The following TNIK variants were observed in gnomAD, a reference collection of about 807,000 sequenced individuals.
TNIK encodes the protein TRAF2 and NCK interacting kinase.
A neutral mutation model predicts 191.3 loss-of-function variants in TNIK; 49 were observed. That is an observed-to-expected ratio of 0.26 (90% CI 0.20 to 0.32). The LOEUF is 0.32. Ranked by LOEUF, TNIK falls within the 10% of genes least tolerant of loss-of-function variation. The pLI, the probability that TNIK is intolerant of heterozygous loss-of-function variation, is 1.00. For missense variants in TNIK, 1,155 were observed against 1,702.3 expected (o/e 0.68, Z 5.66); for synonymous variants, 594 against 600.9 (o/e 0.99, Z 0.17).
intron 1 of TNIK, among the ~76,000 whole-genome samples, chr3:171,454,594 C>T (rs1313982517): frequency 6.6e-6 from 1 of 152,094 alleles, no homozygotes; most frequent in Non-Finnish European, 1.5e-5. Flanking sequence ...CTGATAAATA[C>T]CAGCACACCC....
At chr3:171,259,553 G>T (rs897615313) in intron 2 of TNIK, among the ~76,000 whole-genome samples, 6 of 151,958 alleles carry the variant, frequency 3.9e-5, no homozygotes, top group Non-Finnish European at 8.8e-5. Context: ...CCCTCACGTT[G>T]GAAAGACCTT....
At chr3:171,409,711 A>G (rs1261055822) in intron 1 of TNIK, among the ~76,000 whole-genome samples, 1 of 150,046 alleles carries the variant, frequency 6.7e-6, no homozygotes, top group Non-Finnish European at 1.5e-5. Context: ...CAGACACCAC[A>G]TACATCACAT....
Position 171,447,919 on chromosome 3 carries a change from T to TA in TNIK, c.57+12087dup, listed in dbSNP as rs1351537354. The stretch of plus-strand genomic sequence containing the variant: ...ATGCTAAGCAGTCTAAAAACATGAT[T>TA]AGAAAGTTGAGCACTGACTGAATAT... On this transcript the variant is annotated intron_variant, in intron 1 of 32. Transcript: ENST00000436636. Among the ~76,000 whole-genome samples, 15 of 152,334 alleles carry TA rather than the reference T, an allele frequency of 9.8e-5. 1 individual carries two copies. Among genetic ancestry groups the TA allele is most frequent in the African/African-American group, 3.1e-4 (13 of 41,568 alleles).
intron 12 of TNIK, among the ~76,000 whole-genome samples, chr3:171,149,011 C>T (rs1732044870): frequency 6.6e-6 from 1 of 152,160 alleles, no homozygotes; most frequent in East Asian, 1.9e-4. Flanking sequence ...CCTAATATTC[C>T]CCAGCCTCTA....
chr3:171,069,201 G>A (rs1201594806), intron 29 of TNIK, among the ~76,000 whole-genome samples: 3 of 152,178 alleles, frequency 2.0e-5, no homozygotes, highest in Non-Finnish European at 4.4e-5. Context: ...TCTACCCTTT[G>A]TCCTTCGGGG....
At chr3:171,092,103 C>T (rs939090272) in intron 23 of TNIK, among the ~76,000 whole-genome samples, 5 of 152,082 alleles carry the variant, frequency 3.3e-5, no homozygotes, top group South Asian at 2.1e-4. Flanking sequence ...GCGCCCGCCA[C>T]GACGCCTGGC....
intron 1 of TNIK, among the ~76,000 whole-genome samples, chr3:171,424,326 G>A (rs1170154505): frequency 1.3e-5 from 2 of 152,142 alleles, no homozygotes; most frequent in Non-Finnish European, 2.9e-5. Flanking sequence ...TAAAAAGTCA[G>A]GAAACAACAG....
At chr3:171,332,536 A>G (rs977885821) in intron 2 of TNIK, among the ~76,000 whole-genome samples, 3 of 152,106 alleles carry the variant, frequency 2.0e-5, no homozygotes, top group Admixed American at 1.3e-4. Context: ...TTCACACACC[A>G]CGGCACTTCC....
intron 1 of TNIK, among the ~76,000 whole-genome samples, chr3:171,430,418 T>A (rs554405099): frequency 1.7e-4 from 26 of 152,198 alleles, no homozygotes; most frequent in Admixed American, 1.7e-3. Context: ...GGTGGGAGGA[T>A]CCTTTGAGGC....
intron 7 of TNIK, among the ~76,000 whole-genome samples, chr3:171,183,398 G>A (rs1736919150): frequency 6.6e-6 from 1 of 152,226 alleles, no homozygotes; most frequent in South Asian, 2.1e-4. Flanking sequence ...CTGTATCACA[G>A]AGCAGAAAAT....
rs148772544 is a variant in TNIK at position 171,085,724 on chromosome 3, G to T, written c.2887-495C>A. 3.7e-4 allele frequency among the ~76,000 whole-genome samples: 56 copies of T among 152,342 alleles called. 2 individuals carry two copies. In the East Asian group the frequency reaches 4.8e-3, roughly 13 times the overall value. On this transcript the variant is annotated intron_variant, in intron 24 of 32. Transcript: ENST00000436636. ...TCTACTCTGGCCTGGTGATGCAAGT[G>T]AATTGGTGTTGGCTCCAAAAGCTTT...
chr3:171,097,706 G>A (rs1722916831), intron 22 of TNIK, among the ~76,000 whole-genome samples: 1 of 152,166 alleles, frequency 6.6e-6, no homozygotes, highest in African/African-American at 2.4e-5. Context: ...GTGGAACTGT[G>A]AGTCCATTAA....
intron 23 of TNIK, among the ~76,000 whole-genome samples, chr3:171,090,147 G>T (rs1309065677): frequency 6.6e-6 from 1 of 152,166 alleles, no homozygotes; most frequent in East Asian, 1.9e-4. Context: ...CATGCAGAGG[G>T]AGAGAAAGCT....
intron 9 of TNIK, among the ~76,000 whole-genome samples, 193 bp from the exon 10 acceptor site, chr3:171,167,463 G>A (rs543611938): frequency 1.3e-5 from 2 of 152,226 alleles, no homozygotes; most frequent in African/African-American, 2.4e-5. Context: ...CATCATCAAC[G>A]TGCAATTGAG....
chr3:171,452,429 A>C (rs1728275566), intron 1 of TNIK, among the ~76,000 whole-genome samples: 1 of 152,072 alleles, frequency 6.6e-6, no homozygotes, highest in African/African-American at 2.4e-5. Flanking sequence ...AGTCACCTCC[A>C]GCAATTTCTA....
intron 2 of TNIK, among the ~76,000 whole-genome samples, chr3:171,332,858 T>C (rs1334367558): frequency 6.6e-6 from 1 of 152,208 alleles, no homozygotes; most frequent in Non-Finnish European, 1.5e-5. Context: ...TTGGGTATTA[T>C]CTATACTAAA....
chr3:171,269,713 C>A (rs1748854084), intron 2 of TNIK, among the ~76,000 whole-genome samples: 1 of 152,194 alleles, frequency 6.6e-6, no homozygotes, highest in Admixed American at 6.5e-5. Flanking sequence ...ACATGAAAGA[C>A]CACTGAAACA....
chr3:171,390,512 G>A (rs1434026194), intron 1 of TNIK, among the ~76,000 whole-genome samples: 2 of 152,156 alleles, frequency 1.3e-5, no homozygotes, highest in African/African-American at 2.4e-5. Flanking sequence ...AAATGCCTAT[G>A]AAAAGCCCCT....
intron 1 of TNIK, 87 bp downstream of exon 1, chr3:171,459,920 G>GCCCCCCCCCCCCCC: frequency 3.5e-6 from 4 of 1,157,386 alleles, no homozygotes; most frequent in South Asian, 1.3e-5. Context: ...CTGTCCCCCT[G>GCCCCCCCCCCCCCC]CCCCAGCCCC....
Sources: gnomAD v4.1 joint callset for allele counts (sites outside exome capture counted in the v4.1 genomes callset) on GRCh38, gnomAD v4.1.1 for gene constraint, MANE v1.5 for transcripts, NCBI Gene and HGNC (gene_info 2026-07-23, HGNC 2026-07-21) for gene names.